The following LINGO2 variants were observed in gnomAD, a reference collection of about 807,000 sequenced individuals.
LINGO2 encodes leucine rich repeat and Ig domain containing 2, also known as leucine-rich repeat and immunoglobulin-like domain-containing nogo receptor-interacting protein 2.
A neutral mutation model predicts 30.6 loss-of-function variants in LINGO2; 14 were observed. The ratio of observed to expected loss-of-function variants is 0.46; its 90% CI spans 0.30 to 0.72. LINGO2 has a LOEUF of 0.72. Among genes scored for constraint, LINGO2 ranks in the 30% least tolerant of loss-of-function variants. LINGO2 has a pLI of 0.07. For missense variants in LINGO2, 729 were observed against 751.7 expected, an observed-to-expected ratio of 0.97 and a Z score of 0.35; for synonymous variants, 317 against 288.5, an observed-to-expected ratio of 1.10 and a Z score of -1.00.
At chr9:28,988,658 C>A in the LINGO2 span, among the ~76,000 whole-genome samples, 1 of 152,132 alleles carries the variant, frequency 6.6e-6, no homozygotes, top group Non-Finnish European at 1.5e-5. Flanking sequence ...TGGGGTAAGA[C>A]CAACACGGGC....
chr9:29,104,078 T>A, the LINGO2 span, among the ~76,000 whole-genome samples: 49 of 152,216 alleles, frequency 3.2e-4, no homozygotes, highest in Middle Eastern at 0.01. Context: ...GCACAAAATT[T>A]CCATTGCAAC....
At chr9:28,869,454 A>C in the LINGO2 span, among the ~76,000 whole-genome samples, 4 of 152,086 alleles carry the variant, frequency 2.6e-5, no homozygotes, top group Admixed American at 1.3e-4. Flanking sequence ...GGGAGGGGTC[A>C]CAGAAAGAAG....
chr9:27,989,225 A>G (rs1343647922), intron 5 of LINGO2, among the ~76,000 whole-genome samples: 1 of 151,934 alleles, frequency 6.6e-6, no homozygotes, highest in Non-Finnish European at 1.5e-5. Flanking sequence ...GGGTCTGCTC[A>G]TCATCCTCTG....
chr9:28,711,530 A>C, the LINGO2 span, among the ~76,000 whole-genome samples: 4 of 152,128 alleles, frequency 2.6e-5, no homozygotes, highest in African/African-American at 7.2e-5. Flanking sequence ...CAAGGTGAGC[A>C]AGGTTTTCAA....
intron 4 of LINGO2, among the ~76,000 whole-genome samples, chr9:28,084,357 A>AG (rs1041827227): frequency 1.7e-4 from 26 of 152,096 alleles, no homozygotes; most frequent in African/African-American, 5.6e-4. Flanking sequence ...AATTTGAGAC[A>AG]GGGGGGCAAA....
the LINGO2 span, among the ~76,000 whole-genome samples, chr9:28,872,635 A>T: frequency 6.6e-6 from 1 of 152,138 alleles, no homozygotes; most frequent in South Asian, 2.1e-4. Context: ...TCCAGTAAAC[A>T]AACAACACAT....
the LINGO2 span, among the ~76,000 whole-genome samples, chr9:28,764,112 A>C: frequency 6.7e-6 from 1 of 150,370 alleles, no homozygotes; most frequent in African/African-American, 2.5e-5. Flanking sequence ...AAGATTTAAT[A>C]CCAATTCTTG....
the LINGO2 span, among the ~76,000 whole-genome samples, chr9:29,097,805 T>G: frequency 1.4e-5 from 2 of 138,932 alleles, 1 homozygote; most frequent in Admixed American, 1.5e-4. Flanking sequence ...CCAGAATTTT[T>G]ATTATTCACA....
chr9:28,242,241 AGGT>A (rs1821827406), intron 4 of LINGO2, among the ~76,000 whole-genome samples: 1 of 152,174 alleles, frequency 6.6e-6, no homozygotes, highest in South Asian at 2.1e-4. Context: ...ATGTTAGAGG[AGGT>A]GGTAACTAGA....
chr9:28,868,816 A>G, the LINGO2 span, among the ~76,000 whole-genome samples: 1 of 152,078 alleles, frequency 6.6e-6, no homozygotes, highest in Non-Finnish European at 1.5e-5. Flanking sequence ...GCAACTGAAA[A>G]TTAAGCTTAG....
chr9:28,772,385 A>T, the LINGO2 span, among the ~76,000 whole-genome samples: 1 of 152,126 alleles, frequency 6.6e-6, no homozygotes, highest in African/African-American at 2.4e-5. Context: ...TCCTTTTTGA[A>T]ATTCAGCCTT....
chr9:27,994,925 C>G (rs1821582611), intron 5 of LINGO2, among the ~76,000 whole-genome samples: 1 of 152,106 alleles, frequency 6.6e-6, no homozygotes, highest in South Asian at 2.1e-4. Flanking sequence ...TCTCAATAAA[C>G]TCTCTGCTCT....
chr9:27,961,068 T>G (rs1819820778), intron 5 of LINGO2, among the ~76,000 whole-genome samples: 1 of 152,168 alleles, frequency 6.6e-6, no homozygotes, highest in Non-Finnish European at 1.5e-5. Context: ...ATACAACCAT[T>G]CTGTTTTCCC....
At chr9:28,575,289 T>C (rs1034315187) in intron 1 of LINGO2, among the ~76,000 whole-genome samples, 3 of 151,156 alleles carry the variant, frequency 2.0e-5, no homozygotes, top group East Asian at 2.0e-4. Flanking sequence ...TCCCAGCTAC[T>C]TGGGGAGGCT....
Position 28,605,357 on chromosome 9 carries a change from C to T in LINGO2, c.-365+64843G>A, listed in dbSNP as rs147038022. On this transcript the variant is annotated intron_variant, in intron 1 of 5. Coordinates refer to ENST00000379992, the Ensembl canonical transcript of LINGO2. ...TTGTTTCACTTTATTTCTACTGGAC[C>T]GTATTTCACTACACTGTATAGCCTC... is the stretch of plus-strand genomic sequence containing the variant. 3.4e-3 allele frequency among the ~76,000 whole-genome samples: 520 copies of T among 151,630 alleles called. 3 individuals are homozygous for T. Among genetic ancestry groups the T allele is most frequent in the African/African-American group, 0.012 (478 of 41,348 alleles).
At chr9:28,671,989 A>G (rs1187846623), upstream of LINGO2, among the ~76,000 whole-genome samples, 4 of 152,074 alleles carry the variant, frequency 2.6e-5, no homozygotes, top group South Asian at 6.2e-4. Flanking sequence ...TATATTTCTT[A>G]TTATGTGCTT....
At chr9:28,427,079 A>G (rs1156785116) in intron 2 of LINGO2, among the ~76,000 whole-genome samples, 4 of 152,144 alleles carry the variant, frequency 2.6e-5, no homozygotes, top group Admixed American at 6.6e-5. Flanking sequence ...TGCTTTGGAT[A>G]TCAAATAAAT....
intron 4 of LINGO2, among the ~76,000 whole-genome samples, chr9:28,122,490 CAG>C (rs1827124762): frequency 6.6e-6 from 1 of 152,118 alleles, no homozygotes; most frequent in Admixed American, 6.5e-5. Flanking sequence ...AATAGAGAAT[CAG>C]AAAGTTTTGC....
chr9:28,330,941 T>A (rs1206451330), intron 3 of LINGO2, among the ~76,000 whole-genome samples: 1 of 152,174 alleles, frequency 6.6e-6, no homozygotes, highest in Admixed American at 6.5e-5. Flanking sequence ...GAAGATCTGG[T>A]AGGATACTGT....
Sources: gnomAD v4.1 joint callset for allele counts (sites outside exome capture counted in the v4.1 genomes callset) on GRCh38, gnomAD v4.1.1 for gene constraint, MANE v1.5 for transcripts, NCBI Gene and HGNC (gene_info 2026-07-23, HGNC 2026-07-21) for gene names.